Variants in NKD2 observed in about 807,000 individuals in gnomAD.
NKD2 encodes the protein protein naked cuticle homolog 2.
Under a neutral mutation model 34.8 loss-of-function variants are expected in NKD2, and 43 were observed. The ratio of observed to expected loss-of-function variants is 1.24; its 90% CI spans 0.97 to 1.60. The LOEUF (loss-of-function observed/expected upper bound fraction) is 1.60, where lower values mean the gene tolerates loss of function less well. Ranked by LOEUF, NKD2 falls within the 40% of genes most tolerant of loss-of-function variation. NKD2 has a pLI of 0.00. For synonymous variants in NKD2, 278 were observed against 265.1 expected, an observed-to-expected ratio of 1.05 and a Z score of -0.47; for missense variants, 675 against 627.1, an observed-to-expected ratio of 1.08 and a Z score of -0.82.
At chr5:1,031,550 G>T (rs1468168534) in intron 3 of NKD2, among the ~76,000 whole-genome samples, 1 of 124,086 alleles carries the variant, frequency 8.1e-6, no homozygotes, top group Non-Finnish European at 1.8e-5. Flanking sequence ...ACTGCGCAAG[G>T]CCCCTGCCCT....
intron 3 of NKD2, among the ~76,000 whole-genome samples, chr5:1,026,857 C>T (rs955658700): frequency 2.6e-5 from 4 of 152,258 alleles, no homozygotes; most frequent in Non-Finnish European, 5.9e-5. Flanking sequence ...CCTGAGGTGG[C>T]GGTGGCTGCA....
In NKD2 at chr5:1,008,816, C is replaced by T. The variant is rs999651117; in HGVS notation, c.-242C>T. On this transcript the variant is annotated 5_prime_UTR_variant, in exon 1 of 10. Transcript: ENST00000296849. The stretch of plus-strand genomic sequence containing the variant: ...CGCACGCGCTCAGAGGGAGCCGGGC[C>T]GCCGTCGCTGCCGCCGCTGTCCCCG... 3.8e-5 allele frequency: 9 copies of T among 234,466 alleles called. No homozygotes were observed. Among genetic ancestry groups the T allele is most frequent in the Non-Finnish European group, 5.7e-5 (7 of 123,252 alleles). 14.5% of individuals were successfully genotyped at this position (234,466 alleles called of 1,614,324 possible). A position where few individuals can be genotyped will look rare whatever the true frequency, so the allele number is the denominator to read the frequency against.
intron 3 of NKD2, among the ~76,000 whole-genome samples, chr5:1,021,762 TCCGCAGACG>T (rs1404848929): frequency 6.6e-6 from 1 of 151,998 alleles, no homozygotes; most frequent in Non-Finnish European, 1.5e-5. Flanking sequence ...AACACTCTCT[TCCGCAGACG>T]CCGGTGGCAG....
At chr5:1,011,100 C>T (rs569716372) in intron 3 of NKD2, among the ~76,000 whole-genome samples, 9 of 152,350 alleles carry the variant, frequency 5.9e-5, no homozygotes, top group Admixed American at 1.3e-4. Flanking sequence ...GGAATTGGGG[C>T]TTGCTTGGAT....
chr5:1,037,455 G>T, intron 9 of NKD2: 1 of 1,383,200 alleles, frequency 7.2e-7, no homozygotes, highest in South Asian at 1.3e-5. Flanking sequence ...AGGGTTTAGG[G>T]GATGCGAATC....
At position 1,036,300 on chromosome 5, in the gene NKD2, T is replaced by C. The variant is rs767256601; in HGVS notation, c.703T>C (p.Tyr235His). The change falls in exon 9 of 10, where the codon TAC (tyrosine) becomes CAC (histidine). Residue 235 changes from tyrosine (Y) to histidine (H), a missense_variant. By Grantham distance (83) the Tyr-to-His change is moderately conservative (BLOSUM62 2). Coordinates refer to ENST00000296849, the MANE Select transcript of NKD2 (RefSeq NM_033120.4). The part of the protein sequence containing the change: ...DPQPCSERGP[Y>H]CVDENTERRN... ...CCAGCCCTGCTCGGAGCGGGGGCCC[T>C]ACTGCGTGGACGAGAACACGGAGCG... The C allele has an allele frequency of 1.2e-6, 2 of 1,612,594 alleles. No individual in the cohort carries two copies. The highest frequency in any genetic ancestry group is 1.7e-6 in the Non-Finnish European group (2 of 1,179,676).
intron 3 of NKD2, among the ~76,000 whole-genome samples, chr5:1,020,577 G>A (rs895149369): frequency 6.6e-6 from 1 of 151,718 alleles, no homozygotes; most frequent in Non-Finnish European, 1.5e-5. Flanking sequence ...TGCGGGTAAA[G>A]TGCTCCCTGA....
rs1755644292 is a variant in NKD2, at chr5:1,009,141, C to T, written c.26-38C>T. On this transcript the variant is annotated intron_variant, in intron 1 of 9. Coordinates refer to ENST00000296849, the MANE Select transcript of NKD2 (RefSeq NM_033120.4). The surrounding 1 kb of genome is among the most constrained non-coding windows in gnomAD (Gnocchi z 6.9). ...CGGGCGGGCGTGGGGCCGCCTCTCA[C>T]TGTCGTTTTCCTCTCCCCGCGTCCC... 6 of 536,216 alleles carry T rather than the reference C, an allele frequency of 1.1e-5. No homozygotes were observed. The highest frequency in any genetic ancestry group is 2.0e-5 in the Non-Finnish European group (6 of 300,410). The allele number at this position is 536,216 out of a possible 1,614,324, so 33.2% of individuals were successfully genotyped here.
At chr5:1,028,640 T>C (rs1756519666) in intron 3 of NKD2, among the ~76,000 whole-genome samples, 1 of 151,606 alleles carries the variant, frequency 6.6e-6, no homozygotes, top group South Asian at 2.1e-4. Context: ...ACCTGGAGGG[T>C]TCTCAGGGAT....
intron 3 of NKD2, among the ~76,000 whole-genome samples, chr5:1,024,714 C>G (rs373550737): frequency 9.6e-5 from 2 of 20,738 alleles, no homozygotes; most frequent in Admixed American, 6.6e-4. Context: ...CTCTTCCCAC[C>G]CTCTGTGGGC....
At chr5:1,034,170 C>T (rs1010045272) in intron 5 of NKD2, 65 bp from the exon 6 acceptor site, 37 of 1,163,146 alleles carry the variant, frequency 3.2e-5, no homozygotes, top group Non-Finnish European at 4.4e-5. Context: ...GATCCTTCCC[C>T]CTGTGGAGTT....
At chr5:1,024,728 T>C (rs370896393) in intron 3 of NKD2, among the ~76,000 whole-genome samples, 51 of 19,000 alleles carry the variant, frequency 2.7e-3, no homozygotes, top group East Asian at 6.9e-3. Flanking sequence ...TGTGGGCGTC[T>C]CAGCCCATTG....
Position 1,009,228 on chromosome 5 carries a change from C to A in NKD2, c.61+14C>A, listed in dbSNP as rs2150721110. 4.0e-6 allele frequency: 2 copies of A among 501,746 alleles called. No individual in the cohort carries two copies. Among genetic ancestry groups the A allele is most frequent in the South Asian group, 6.1e-5 (2 of 32,700 alleles). The allele number at this position is 501,746 out of a possible 1,614,324, so 31.1% of individuals were successfully genotyped here. On this transcript the variant is annotated intron_variant, in intron 2 of 9. Coordinates refer to ENST00000296849, the MANE Select transcript of NKD2 (RefSeq NM_033120.4). The surrounding 1 kb of genome is among the most constrained non-coding windows in gnomAD (Gnocchi z 6.9). Reference sequence around the variant, plus strand: ...AGAGCCCGGAAGGTGAGCGGGCGAGCCGACGGGCGGGGCGGGGGGCGGCGA... The same window carrying A: ...AGAGCCCGGAAGGTGAGCGGGCGAGACGACGGGCGGGGCGGGGGGCGGCGA...
chr5:1,027,048 G>A (rs1170293683), intron 3 of NKD2, among the ~76,000 whole-genome samples: 3 of 152,276 alleles, frequency 2.0e-5, no homozygotes, highest in East Asian at 3.8e-4. Flanking sequence ...AATGACCACA[G>A]GACATGGGCC....
Position 1,008,980 on chromosome 5 carries a change from C to T in NKD2, c.-78C>T, listed in dbSNP as rs1755634174. The T allele has an allele frequency of 2.4e-6, 1 of 416,838 alleles. No individual in the cohort carries two copies. Among genetic ancestry groups the T allele is most frequent in the Non-Finnish European group, 4.2e-6 (1 of 238,424 alleles). 25.8% of individuals were successfully genotyped at this position (416,838 alleles called of 1,614,324 possible). A position where few individuals can be genotyped will look rare whatever the true frequency, so the allele number is the denominator to read the frequency against. On this transcript the variant is annotated 5_prime_UTR_variant, in exon 1 of 10. Transcript: ENST00000296849. ...CTAGCTTGCTCCCGGCCCATGCGGC[C>T]CCCGCGGGCTCCCGGCCCCGGCTTC...
chr5:1,027,856 C>G (rs952776251), intron 3 of NKD2, among the ~76,000 whole-genome samples: 1 of 152,352 alleles, frequency 6.6e-6, no homozygotes, highest in South Asian at 2.1e-4. Flanking sequence ...CTCCAGGTGG[C>G]TCCCAGAGGT....
chr5:1,033,185 C>A (rs573486488), intron 4 of NKD2, among the ~76,000 whole-genome samples, 187 bp from the exon 5 acceptor site: 1 of 152,172 alleles, frequency 6.6e-6, no homozygotes, highest in Non-Finnish European at 1.5e-5. Flanking sequence ...GGAGGGCACA[C>A]CCGGCTGTGG....
chr5:1,027,358 T>C (rs10037180), intron 3 of NKD2, among the ~76,000 whole-genome samples: 74,313 of 152,092 alleles, frequency 0.49, 18,343 homozygotes, highest in East Asian at 0.59. Context: ...GTAGGAGCTG[T>C]GCCTTCTGGA....
intron 5 of NKD2, 41 bp downstream of exon 5, chr5:1,033,540 G>A: frequency 6.6e-7 from 1 of 1,522,602 alleles, no homozygotes; most frequent in Non-Finnish European, 8.9e-7. Flanking sequence ...ACACGTCCCT[G>A]GGGCCGGGGG....
Sources: allele counts gnomAD v4.1 joint callset (sites outside exome capture counted in the v4.1 genomes callset), GRCh38; gene constraint gnomAD v4.1.1; non-coding constraint Gnocchi (gnomAD v3.1); transcripts MANE v1.5; gene names NCBI Gene and HGNC (gene_info 2026-07-23, HGNC 2026-07-21).